Variants in SLC38A1 observed in about 807,000 individuals in gnomAD.
The protein encoded by SLC38A1 is sodium-coupled neutral amino acid symporter 1.
SLC38A1 carries 18 observed loss-of-function variants against 60.3 expected under a neutral mutation model. The observed-to-expected ratio is 0.30, with a 90% CI of 0.21 to 0.44. SLC38A1 has a LOEUF of 0.44. Among genes scored for constraint, SLC38A1 ranks in the 20% least tolerant of loss-of-function variants. The pLI is 1.00. For synonymous variants in SLC38A1, 196 were observed against 212.1 expected (o/e 0.92, Z 0.66); for missense variants, 448 against 587.2 (o/e 0.76, Z 2.45).
intron 1 of SLC38A1, among the ~76,000 whole-genome samples, chr12:46,262,593 A>T (rs1208972543): frequency 6.6e-6 from 1 of 152,228 alleles, no homozygotes; most frequent in Non-Finnish European, 1.5e-5. Context: ...TGTTCTAAAG[A>T]TATTTCTGAT....
chr12:46,246,475 G>A (rs1045693244), intron 1 of SLC38A1, among the ~76,000 whole-genome samples: 8 of 152,278 alleles, frequency 5.3e-5, no homozygotes, highest in Non-Finnish European at 7.3e-5. Flanking sequence ...CCATTTCTGA[G>A]GCTTGAATAG....
chr12:46,251,250 T>A (rs1941827811), intron 1 of SLC38A1, among the ~76,000 whole-genome samples: 1 of 152,194 alleles, frequency 6.6e-6, no homozygotes, highest in East Asian at 1.9e-4. Context: ...GGGGAAAGGA[T>A]TCACTATTTA....
chr12:46,229,653 C>G lies in SLC38A1; in HGVS notation c.123-14G>C. The stretch of plus-strand genomic sequence containing the variant: ...GAAATAAACTTGCTGTAAAGACATG[C>G]GTAATATATTTAACCTTATGATAAT... On this transcript the variant is annotated splice_polypyrimidine_tract_variant and intron_variant, in intron 3 of 16. Coordinates refer to ENST00000398637, the MANE Select transcript of SLC38A1 (RefSeq NM_030674.4). 6.2e-7 allele frequency: 1 copy of G among 1,603,330 alleles called. No individual in the cohort carries two copies. The highest frequency in any genetic ancestry group is 1.1e-5 in the South Asian group (1 of 90,780).
At chr12:46,226,588 A>T (rs1445480928) in intron 5 of SLC38A1, among the ~76,000 whole-genome samples, 1 of 151,302 alleles carries the variant, frequency 6.6e-6, no homozygotes, top group Non-Finnish European at 1.5e-5. Context: ...AATGTAAAAA[A>T]ATTTCCCAAA....
intron 3 of SLC38A1, among the ~76,000 whole-genome samples, chr12:46,232,029 T>C (rs1941096750): frequency 1.3e-5 from 2 of 152,254 alleles, no homozygotes; most frequent in Admixed American, 6.5e-5. Context: ...ATCCAAGGGA[T>C]CTGGTTCTTT....
chr12:46,261,132 C>T (rs1942183656), intron 1 of SLC38A1, among the ~76,000 whole-genome samples: 1 of 152,200 alleles, frequency 6.6e-6, no homozygotes, highest in Admixed American at 6.5e-5. Flanking sequence ...CCCATGAAGC[C>T]TATGCTAACT....
chr12:46,209,266 T>C, intron 5 of SLC38A1, 139 bp from the exon 6 acceptor site: 1 of 539,756 alleles, frequency 1.9e-6, no homozygotes, highest in Non-Finnish European at 3.3e-6. Context: ...CTATTAGTCA[T>C]CCCTGCTTTA....
At chr12:46,194,949 T>C (rs546293386) in intron 16 of SLC38A1, among the ~76,000 whole-genome samples, 1 of 152,206 alleles carries the variant, frequency 6.6e-6, no homozygotes, top group Admixed American at 6.5e-5. Context: ...CTTGTCAAAC[T>C]CATTCTCCGT....
In SLC38A1 at chr12:46,243,249, G is replaced by A. The variant is rs1441961747; in HGVS notation, c.-143C>T. 4.6e-5 allele frequency: 7 copies of A among 152,026 alleles called. No homozygotes were observed. Among genetic ancestry groups the A allele is most frequent in the Admixed American group, 2.6e-4 (4 of 15,252 alleles). The allele number at this position is 152,026 out of a possible 1,614,324, so 9.4% of individuals were successfully genotyped here. ...ATCACTCTATATATATTGTTGTATG[G>A]CCTTCCAGGGTTTTTCTATGCACAT... On this transcript the variant is annotated 5_prime_UTR_variant, in exon 2 of 17. Coordinates refer to ENST00000398637, the MANE Select transcript of SLC38A1 (RefSeq NM_030674.4).
At chr12:46,250,122 CA>C (rs1400315391) in intron 1 of SLC38A1, among the ~76,000 whole-genome samples, 1 of 152,180 alleles carries the variant, frequency 6.6e-6, no homozygotes, top group Non-Finnish European at 1.5e-5. Flanking sequence ...AGGAGCACAT[CA>C]AAAGCCTTAT....
intron 1 of SLC38A1, among the ~76,000 whole-genome samples, chr12:46,251,451 TAAAACACCA>T (rs1941835889): frequency 6.6e-6 from 1 of 152,140 alleles, no homozygotes; most frequent in Non-Finnish European, 1.5e-5. Flanking sequence ...ACTTCATGAC[TAAAACACCA>T]AAAGCAATGG....
intron 2 of SLC38A1, 29 bp from the exon 3 acceptor site, chr12:46,239,922 T>A: frequency 1.2e-6 from 1 of 824,460 alleles, no homozygotes; most frequent in Non-Finnish European, 1.9e-6. Flanking sequence ...AAAAAATAAC[T>A]AAACATATGA....
intron 5 of SLC38A1, among the ~76,000 whole-genome samples, chr12:46,214,012 A>G (rs1323267094): frequency 6.6e-6 from 1 of 152,230 alleles, no homozygotes; most frequent in Non-Finnish European, 1.5e-5. Context: ...TACTTAGCTC[A>G]CTGTATCTCA....
At chr12:46,207,429 A>G in intron 7 of SLC38A1, 100 bp downstream of exon 7, 1 of 1,212,140 alleles carries the variant, frequency 8.2e-7, no homozygotes, top group Non-Finnish European at 1.2e-6. Context: ...CCATTTTAGC[A>G]ATGAGGATGA....
chr12:46,209,473 T>C (rs574127491), intron 5 of SLC38A1, among the ~76,000 whole-genome samples: 1 of 152,042 alleles, frequency 6.6e-6, no homozygotes, highest in South Asian at 2.1e-4. Context: ...TGAGAAAGTG[T>C]GAGAATGGGG....
At chr12:46,265,624 A>G (rs1041213433) in intron 1 of SLC38A1, among the ~76,000 whole-genome samples, 4 of 152,210 alleles carry the variant, frequency 2.6e-5, no homozygotes, top group Admixed American at 6.5e-5. Context: ...AGGAATTTAG[A>G]CTGTATTTGT....
At chr12:46,206,611 A>G (rs1939915383) in intron 8 of SLC38A1, among the ~76,000 whole-genome samples, 1 of 152,200 alleles carries the variant, frequency 6.6e-6, no homozygotes, top group Non-Finnish European at 1.5e-5. Flanking sequence ...TGAGAACACT[A>G]GAGACTCTGG....
intron 5 of SLC38A1, among the ~76,000 whole-genome samples, chr12:46,228,048 TAGAA>T (rs1940932980): frequency 6.6e-6 from 1 of 152,128 alleles, no homozygotes; most frequent in African/African-American, 2.4e-5. Flanking sequence ...AAAGGCAACT[TAGAA>T]AGATGCATTC....
At chr12:46,258,387 T>G (rs139918157) in intron 1 of SLC38A1, among the ~76,000 whole-genome samples, 304 of 152,296 alleles carry the variant, frequency 2.0e-3, no homozygotes, top group Non-Finnish European at 3.4e-3. Flanking sequence ...TTTTGGAATA[T>G]TTGCATACAT....
Sources: gnomAD v4.1 joint callset for allele counts (sites outside exome capture counted in the v4.1 genomes callset) on GRCh38, gnomAD v4.1.1 for gene constraint, MANE v1.5 for transcripts, NCBI Gene and HGNC (gene_info 2026-07-23, HGNC 2026-07-21) for gene names.